Variants in ASPRV1 observed in about 807,000 individuals in gnomAD.
The protein encoded by ASPRV1 is aspartic peptidase retroviral like 1, also known as retroviral-like aspartic protease 1.
A neutral mutation model predicts 11.0 loss-of-function variants in ASPRV1; 7 were observed. The observed-to-expected ratio is 0.64, with a 90% CI of 0.36 to 1.20. The LOEUF is 1.20. ASPRV1 is among the 50% of genes most tolerant of loss of function. The pLI, the probability that ASPRV1 is intolerant of heterozygous loss-of-function variation, is 0.02. For synonymous variants in ASPRV1, 136 were observed against 138.4 expected (o/e 0.98, Z 0.12); for missense variants, 299 against 320.0 (o/e 0.93, Z 0.50).
the ASPRV1 span, among the ~76,000 whole-genome samples, chr2:70,004,100 A>T: frequency 1.3e-5 from 2 of 152,180 alleles, no homozygotes; most frequent in Non-Finnish European, 2.9e-5. Context: ...CATCTGCCAC[A>T]AACGGAGTCT....
the ASPRV1 span, among the ~76,000 whole-genome samples, chr2:69,978,371 G>A: frequency 6.6e-6 from 1 of 152,176 alleles, no homozygotes; most frequent in African/African-American, 2.4e-5. Context: ...CAACCCGGAG[G>A]GCCAGGGAGC....
chr2:69,978,730 G>A, the ASPRV1 span, among the ~76,000 whole-genome samples: 8 of 152,126 alleles, frequency 5.3e-5, no homozygotes, highest in African/African-American at 1.9e-4. Context: ...CAAACCTCGC[G>A]CCCTCCAAGG....
chr2:69,960,393 T>G lies in ASPRV1; in HGVS notation c.*264A>C. On this transcript the variant is annotated 3_prime_UTR_variant, in exon 1 of 1. Transcript: ENST00000320256. Reference sequence around the variant, plus strand: ...CTTGGGAGCTCTTCCAGCCTTTGAGTCTTTGTCATCAACAGCAGCTTGATG... The same window carrying G: ...CTTGGGAGCTCTTCCAGCCTTTGAGGCTTTGTCATCAACAGCAGCTTGATG... The G allele has an allele frequency of 2.2e-6, 1 of 447,910 alleles. No individual in the cohort carries two copies. The highest frequency in any genetic ancestry group is 1.9e-5 in the African/African-American group (1 of 51,798). 27.7% of individuals were successfully genotyped at this position (447,910 alleles called of 1,614,324 possible). A position where few individuals can be genotyped will look rare whatever the true frequency, so the allele number is the denominator to read the frequency against.
the ASPRV1 span, chr2:70,049,751 G>A: frequency 6.6e-6 from 1 of 152,196 alleles, no homozygotes. Flanking sequence ...AATTCAGACT[G>A]TGAGTTCTGA....
chr2:69,934,349 T>C, the ASPRV1 span, among the ~76,000 whole-genome samples: 1 of 152,142 alleles, frequency 6.6e-6, no homozygotes, highest in African/African-American at 2.4e-5. Context: ...ATTTTCCAGG[T>C]TCTAGAATAA....
At chr2:69,934,800 A>G in the ASPRV1 span, among the ~76,000 whole-genome samples, 1 of 152,236 alleles carries the variant, frequency 6.6e-6, no homozygotes, top group Non-Finnish European at 1.5e-5. Flanking sequence ...ATAGTACTAC[A>G]CGGTGTGGAT....
the ASPRV1 span, among the ~76,000 whole-genome samples, chr2:70,054,448 C>T: frequency 6.6e-6 from 1 of 151,428 alleles, no homozygotes. Context: ...GGCGCGGTGG[C>T]AGGCGCCTGT....
chr2:69,933,086 A>T, the ASPRV1 span, among the ~76,000 whole-genome samples: 2 of 151,050 alleles, frequency 1.3e-5, no homozygotes, highest in Admixed American at 1.3e-4. Context: ...GTAATCCCAG[A>T]TACTCAGGAG....
the ASPRV1 span, among the ~76,000 whole-genome samples, chr2:69,951,553 T>C: frequency 6.7e-6 from 1 of 148,886 alleles, no homozygotes. Context: ...TACACATACA[T>C]ATCATATATA....
At chr2:70,039,701 G>A in the ASPRV1 span, among the ~76,000 whole-genome samples, 6 of 152,176 alleles carry the variant, frequency 3.9e-5, no homozygotes, top group Admixed American at 2.6e-4. Context: ...GCACCTAAGG[G>A]TGGCCTTAGT....
the ASPRV1 span, among the ~76,000 whole-genome samples, chr2:69,952,652 C>A: frequency 1.3e-5 from 2 of 152,138 alleles, no homozygotes; most frequent in Non-Finnish European, 1.5e-5. Flanking sequence ...GCCACATAAG[C>A]AAGCTGTGAG....
At chr2:69,957,605 G>C (rs1677969614), downstream of ASPRV1, among the ~76,000 whole-genome samples, 1 of 151,750 alleles carries the variant, frequency 6.6e-6, no homozygotes, top group African/African-American at 2.4e-5. Context: ...AGAATCACTT[G>C]GGGATCTTGC....
rs199802764 is a variant in ASPRV1, at chr2:69,961,070, C to G, written c.367G>C (p.Val123Leu). The G allele has an allele frequency of 1.4e-5, 22 of 1,613,752 alleles. No homozygotes were observed. Among genetic ancestry groups the G allele is most frequent in the Non-Finnish European group, 1.8e-5 (21 of 1,179,896 alleles). Residue 123 changes from valine (V) to leucine (L), a missense_variant, in exon 1 of 1, where the codon GTG becomes CTG. Physicochemically the swap from Val to Leu is conservative, Grantham distance 32 (BLOSUM62 1). Coordinates refer to ENST00000320256, the MANE Select transcript of ASPRV1 (RefSeq NM_152792.4). Reference sequence around the variant, plus strand: ...GCCCCAGAGTCCACCAGGAACCTCACGGGCACTTTGCCAATCTTCCCCTTG... The same window carrying G: ...GCCCCAGAGTCCACCAGGAACCTCAGGGGCACTTTGCCAATCTTCCCCTTG... ...YLKGKIGKVP[V>L]RFLVDSGAQV...
At chr2:69,994,480 T>A in the ASPRV1 span, among the ~76,000 whole-genome samples, 1 of 152,190 alleles carries the variant, frequency 6.6e-6, no homozygotes, top group Non-Finnish European at 1.5e-5. Flanking sequence ...GCTCATCATG[T>A]GCTAGCTCTT....
the ASPRV1 span, among the ~76,000 whole-genome samples, chr2:69,999,655 C>CAAA: frequency 3.0e-4 from 16 of 53,970 alleles, no homozygotes; most frequent in South Asian, 6.3e-4. Context: ...GACTCTGTCT[C>CAAA]AAAAAAAAAA....
At chr2:70,014,244 G>C in the ASPRV1 span, among the ~76,000 whole-genome samples, 1 of 152,010 alleles carries the variant, frequency 6.6e-6, no homozygotes, top group East Asian at 1.9e-4. Context: ...CAGAATGGGG[G>C]AAAATATTTG....
At chr2:70,085,905 T>G in the ASPRV1 span, 3 of 152,238 alleles carry the variant, frequency 2.0e-5, no homozygotes, top group Admixed American at 6.5e-5. Flanking sequence ...CTAGGAAGTC[T>G]AGAAAAGCAG....
chr2:70,037,933 A>C, the ASPRV1 span, among the ~76,000 whole-genome samples: 1 of 152,136 alleles, frequency 6.6e-6, no homozygotes, highest in African/African-American at 2.4e-5. Context: ...CATTTGTCCT[A>C]ACACTATCCT....
chr2:70,050,457 C>T, the ASPRV1 span: 1 of 151,944 alleles, frequency 6.6e-6, no homozygotes, highest in African/African-American at 2.4e-5. Context: ...GGGAAGCACG[C>T]TTTTTTCTAA....
Sources: gnomAD v4.1 joint callset for allele counts (sites outside exome capture counted in the v4.1 genomes callset) on GRCh38, gnomAD v4.1.1 for gene constraint, MANE v1.5 for transcripts, NCBI Gene and HGNC (gene_info 2026-07-23, HGNC 2026-07-21) for gene names.